The following NEMP2 variants were observed in gnomAD, a reference collection of about 807,000 sequenced individuals.
NEMP2 encodes UPF0571 transmembrane protein.
Under a neutral mutation model 54.2 loss-of-function variants are expected in NEMP2, and 53 were observed. That is an observed-to-expected ratio of 0.98 (90% CI 0.78 to 1.23). The LOEUF (loss-of-function observed/expected upper bound fraction) is 1.23, where lower values mean the gene tolerates loss of function less well. Ranked by LOEUF, NEMP2 falls within the 50% of genes most tolerant of loss-of-function variation. NEMP2 has a pLI of 0.00. For missense variants in NEMP2, 455 were observed against 511.3 expected, an observed-to-expected ratio of 0.89 and a Z score of 1.06; for synonymous variants, 197 against 190.3, an observed-to-expected ratio of 1.04 and a Z score of -0.29.
At chr2:190,598,042 G>T in the NEMP2 span, among the ~76,000 whole-genome samples, 6 of 152,160 alleles carry the variant, frequency 3.9e-5, no homozygotes, top group East Asian at 1.2e-3. Flanking sequence ...TGTCTTCTTC[G>T]TTGTGGGGCC....
At chr2:190,438,609 T>A in the NEMP2 span, among the ~76,000 whole-genome samples, 8 of 152,242 alleles carry the variant, frequency 5.3e-5, no homozygotes, top group African/African-American at 1.9e-4. The surrounding 1 kb of genome is among the most constrained non-coding windows in gnomAD (Gnocchi z 5.2). Context: ...GAGATCTTTC[T>A]GCTCTGTTGG....
At chr2:190,468,743 G>A in the NEMP2 span, among the ~76,000 whole-genome samples, 1 of 151,794 alleles carries the variant, frequency 6.6e-6, no homozygotes, top group African/African-American at 2.4e-5. Flanking sequence ...ACAGGCATGA[G>A]TCAATACACT....
chr2:190,516,390 T>C lies in NEMP2; in HGVS notation c.613-6A>G. 6.5e-7 allele frequency: 1 copy of C among 1,530,026 alleles called. No individual in the cohort carries two copies. Among genetic ancestry groups the C allele is most frequent in the South Asian group, 1.2e-5 (1 of 80,304 alleles). The allele number at this position is 1,530,026 out of a possible 1,614,324, so 94.8% of individuals were successfully genotyped here. A position where few individuals can be genotyped will look rare whatever the true frequency, so the allele number is the denominator to read the frequency against. On this transcript the variant is annotated splice_region_variant and splice_polypyrimidine_tract_variant and intron_variant, in intron 5 of 8. Coordinates refer to ENST00000409150, the MANE Select transcript of NEMP2 (RefSeq NM_001142645.2). ...AGAGCCCAAAAGGTGCTATACTGTG[T>C]GTGGAAGAAAATAAATGACACATTT...
the NEMP2 span, among the ~76,000 whole-genome samples, chr2:190,583,624 G>C: frequency 2.0e-5 from 3 of 152,194 alleles, no homozygotes; most frequent in African/African-American, 7.2e-5. Context: ...GGCAAGATTT[G>C]CATCTCCTGC....
chr2:190,431,957 A>G, the NEMP2 span, among the ~76,000 whole-genome samples: 2 of 152,166 alleles, frequency 1.3e-5, no homozygotes, highest in Non-Finnish European at 2.9e-5. This position sits in a 1 kb window ranked among gnomAD's most constrained non-coding sequence, Gnocchi z 4.4. Flanking sequence ...ATTTCTGAAG[A>G]TAATCATATA....
At chr2:190,536,115 G>C (rs1444406798), upstream of NEMP2, 1 of 152,186 alleles carries the variant, frequency 6.6e-6, no homozygotes, top group East Asian at 1.9e-4. Context: ...TATCTGTAAA[G>C]AAGCTATATT....
At chr2:190,640,954 T>C in the NEMP2 span, 1 of 152,226 alleles carries the variant, frequency 6.6e-6, no homozygotes, top group South Asian at 2.1e-4. Context: ...CACTTACCTC[T>C]TGCAATCCAA....
At chr2:190,612,943 G>A in the NEMP2 span, among the ~76,000 whole-genome samples, 1 of 141,530 alleles carries the variant, frequency 7.1e-6, no homozygotes, top group African/African-American at 2.4e-5. Context: ...CCTAAATAAT[G>A]AAATATCTGT....
Position 190,517,563 on chromosome 2 carries a change from G to T in NEMP2, c.569C>A (p.Thr190Lys). 1 of 1,550,808 alleles carries T rather than the reference G, an allele frequency of 6.4e-7. No homozygotes were observed. The highest frequency in any genetic ancestry group is 8.7e-7 in the Non-Finnish European group (1 of 1,146,616). ...CACCAACAGCAAGACAAAGACTAAT[G>T]TCATTAGAACACCTAGCACAGTTCC... ...SSGTVLGVLM[T>K]LVFVLLLVKR... The change falls in exon 5 of 9, where the codon ACA becomes AAA. Residue 190 changes from threonine to lysine, a missense_variant. Thr to Lys is a moderately conservative substitution (Grantham distance 78, BLOSUM62 -1). Around this residue, in one of 3 missense-constraint regions of NEMP2, gnomAD observed 294 missense variants for 333.6 expected, o/e 0.88. Transcript: ENST00000409150.
the NEMP2 span, among the ~76,000 whole-genome samples, chr2:190,647,710 CTTTT>C: frequency 6.8e-5 from 7 of 102,368 alleles, no homozygotes; most frequent in African/African-American, 1.5e-4. Flanking sequence ...TCTTCTTCTT[CTTTT>C]TTTTTTTTTT....
chr2:190,629,379 G>C, the NEMP2 span, among the ~76,000 whole-genome samples: 2 of 152,314 alleles, frequency 1.3e-5, no homozygotes. Context: ...TGTCTGAAAA[G>C]GATCTAGTTC....
the NEMP2 span, among the ~76,000 whole-genome samples, chr2:190,573,578 G>A: frequency 6.6e-6 from 1 of 152,160 alleles, no homozygotes; most frequent in African/African-American, 2.4e-5. Flanking sequence ...CTAGAGTAAA[G>A]ATGGCAGAGT....
At chr2:190,637,556 T>A in the NEMP2 span, among the ~76,000 whole-genome samples, 1 of 152,234 alleles carries the variant, frequency 6.6e-6, no homozygotes, top group Non-Finnish European at 1.5e-5. This position sits in a 1 kb window ranked among gnomAD's most constrained non-coding sequence, Gnocchi z 4.5. Flanking sequence ...AAGTTACTGC[T>A]CATGTTTATG....
At chr2:190,581,066 A>G in the NEMP2 span, among the ~76,000 whole-genome samples, 1 of 152,228 alleles carries the variant, frequency 6.6e-6, no homozygotes, top group Admixed American at 6.5e-5. Context: ...ACTTGCTTCA[A>G]CCATCCACAA....
rs1691031643 is a variant in NEMP2, at chr2:190,528,616, T to C, written c.98-3238A>G. On this transcript the variant is annotated intron_variant, in intron 1 of 8. Transcript: ENST00000409150. The surrounding 1 kb of genome is among the most constrained non-coding windows in gnomAD (Gnocchi z 4.3). The stretch of plus-strand genomic sequence containing the variant: ...TGCTCAATGCTAGATGGGCTTTTCT[T>C]GTGGGTGCCTCCAAAGGTCCCTCAC... Among the ~76,000 whole-genome samples the C allele has an allele frequency of 6.6e-6, 1 of 152,218 alleles. No individual in the cohort carries two copies.
the NEMP2 span, among the ~76,000 whole-genome samples, chr2:190,601,952 T>G: frequency 1.3e-5 from 2 of 152,196 alleles, no homozygotes; most frequent in African/African-American, 4.8e-5. The surrounding 1 kb of genome is among the most constrained non-coding windows in gnomAD (Gnocchi z 5.8). Flanking sequence ...TTCCATCCAC[T>G]TACACCGAGG....
chr2:190,519,285 G>C lies in NEMP2; in HGVS notation c.214-102C>G, dbSNP rs1226376394. The C allele has an allele frequency of 1.2e-6, 1 of 810,410 alleles. No homozygotes were observed. The highest frequency in any genetic ancestry group is 1.7e-5 in the African/African-American group (1 of 58,172). 50.2% of individuals were successfully genotyped at this position (810,410 alleles called of 1,614,324 possible). A position where few individuals can be genotyped will look rare whatever the true frequency, so the allele number is the denominator to read the frequency against. Reference sequence around the variant, plus strand: ...TGCCCAGAATGGAGTGCAGTGGCAGGATCTCTGCTCACTGCAACCTGTGCC... The same window carrying C: ...TGCCCAGAATGGAGTGCAGTGGCAGCATCTCTGCTCACTGCAACCTGTGCC... On this transcript the variant is annotated intron_variant, in intron 2 of 8. Coordinates refer to ENST00000409150, the MANE Select transcript of NEMP2 (RefSeq NM_001142645.2). This position sits in a 1 kb window ranked among gnomAD's most constrained non-coding sequence, Gnocchi z 5.4.
the NEMP2 span, chr2:190,608,548 T>C: frequency 1.3e-5 from 2 of 152,200 alleles, no homozygotes; most frequent in Non-Finnish European, 2.9e-5. This position sits in a 1 kb window ranked among gnomAD's most constrained non-coding sequence, Gnocchi z 4.9. Context: ...TGTGTTTTGA[T>C]TGGCAACACG....
intron 6 of NEMP2, 151 bp downstream of exon 6, chr2:190,516,119 A>C (rs1254275789): frequency 1.8e-6 from 1 of 544,014 alleles, no homozygotes; most frequent in African/African-American, 1.9e-5. Flanking sequence ...CAATGGGAAT[A>C]AGATAAACAA....
Sources: allele counts gnomAD v4.1 joint callset (sites outside exome capture counted in the v4.1 genomes callset), GRCh38; gene constraint gnomAD v4.1.1; regional missense constraint gnomAD v4.1.1; non-coding constraint Gnocchi (gnomAD v3.1); transcripts MANE v1.5; gene names NCBI Gene and HGNC (gene_info 2026-07-23, HGNC 2026-07-21).